Variants in PPM1B observed in about 807,000 individuals in gnomAD.
PPM1B encodes protein phosphatase 1B.
A neutral mutation model predicts 43.0 loss-of-function variants in PPM1B; 22 were observed. The observed-to-expected ratio is 0.51, with a 90% CI of 0.37 to 0.73. PPM1B has a LOEUF of 0.73. Among genes scored for constraint, PPM1B ranks in the 30% least tolerant of loss-of-function variants. The pLI is 0.00. For missense variants in PPM1B, 632 were observed against 584.2 expected (o/e 1.08, Z -0.84); for synonymous variants, 217 against 197.9 (o/e 1.10, Z -0.81).
downstream of PPM1B, among the ~76,000 whole-genome samples, chr2:44,245,194 A>G (rs896702756): frequency 2.0e-5 from 3 of 152,182 alleles, no homozygotes; most frequent in Non-Finnish European, 4.4e-5. Context: ...TTGTGTCCCC[A>G]GAAGTTTTAA....
chr2:44,202,117 C>T, intron 2 of PPM1B, 72 bp downstream of exon 2: 1 of 1,368,654 alleles, frequency 7.3e-7, no homozygotes, highest in Non-Finnish European at 9.6e-7. Context: ...GTTAAGCTAA[C>T]TTAAAATTTT....
chr2:44,202,146 A>C, intron 2 of PPM1B, 101 bp downstream of exon 2: 1 of 1,178,828 alleles, frequency 8.5e-7, no homozygotes, highest in South Asian at 2.0e-5. Flanking sequence ...TAATATTTTC[A>C]CAGAAGCTGT....
At chr2:44,231,592 C>G (rs1670471761), downstream of PPM1B, 1 of 428,618 alleles carries the variant, frequency 2.3e-6, no homozygotes, top group African/African-American at 2.2e-5. Flanking sequence ...TTTGGCTTAC[C>G]TTTTTTCATT....
chr2:44,194,043 T>C lies in PPM1B; in HGVS notation c.-14-7143T>C, dbSNP rs550724268. On this transcript the variant is annotated intron_variant, in intron 1 of 5. Coordinates refer to ENST00000282412, the MANE Select transcript of PPM1B (RefSeq NM_002706.6). ...GGTTTTGTTTATTTGTTTGTTTGTT[T>C]GTTTGTTTTTAATATCTTTTTGGTT... Among the ~76,000 whole-genome samples, 5 of 152,328 alleles carry C rather than the reference T, an allele frequency of 3.3e-5. No individual in the cohort carries two copies. The South Asian group carries it at 1.0e-3, about 32-fold the overall frequency.
intron 3 of PPM1B, among the ~76,000 whole-genome samples, chr2:44,210,781 T>C (rs1451830201): frequency 1.3e-5 from 2 of 152,144 alleles, no homozygotes; most frequent in East Asian, 1.9e-4. Context: ...AAATATGATA[T>C]ATCAGTACTA....
intron 2 of PPM1B, among the ~76,000 whole-genome samples, chr2:44,202,315 G>C (rs1463596941): frequency 1.3e-5 from 2 of 152,134 alleles, no homozygotes; most frequent in African/African-American, 4.8e-5. Flanking sequence ...CATTTACACA[G>C]AGTGACTTTT....
chr2:44,241,857 C>T lies in PPM1B; in HGVS notation n.1547-2371C>T, dbSNP rs1201064832. Reference sequence around the variant, plus strand: ...GTTATAATAAGTATTAGAAAATAATCTTTTTTTTTTTTTTTTTTTGAGACG... The same window carrying T: ...GTTATAATAAGTATTAGAAAATAATTTTTTTTTTTTTTTTTTTTTGAGACG... On this transcript the variant is annotated intron_variant and non_coding_transcript_variant, in intron 5 of 5. Transcript: ENST00000378540. Among the ~76,000 whole-genome samples the T allele has an allele frequency of 1.7e-3, 154 of 90,902 alleles. 1 individual carries two copies. Among genetic ancestry groups the T allele is most frequent in the East Asian group, 4.4e-3 (12 of 2,698 alleles). The allele number at this position is 90,902 out of a possible 152,430, so 59.6% of individuals were successfully genotyped here.
intron 1 of PPM1B, among the ~76,000 whole-genome samples, chr2:44,171,606 G>A (rs1329469737): frequency 6.6e-6 from 1 of 151,634 alleles, no homozygotes; most frequent in African/African-American, 2.4e-5. Context: ...GAGGCGTGTG[G>A]ATCACTTGAG....
At chr2:44,232,165 A>T, downstream of PPM1B, 1 of 1,177,934 alleles carries the variant, frequency 8.5e-7, no homozygotes, top group Non-Finnish European at 1.2e-6. Flanking sequence ...CACACACAAT[A>T]TGCAATACAC....
chr2:44,198,155 A>T (rs956760442), intron 1 of PPM1B, among the ~76,000 whole-genome samples: 2 of 151,940 alleles, frequency 1.3e-5, no homozygotes, highest in Non-Finnish European at 2.9e-5. Context: ...TTGAAGTTTT[A>T]TGATTTTTTG....
Position 44,231,194 on chromosome 2 carries a change from C to A in PPM1B, c.*476C>A. ...TGATGCTGGCCTGTAATTTTTCTTTCAAGGATGATAATTTGTGTGTTGTTT... is the reference window on the plus strand; with the variant it reads ...TGATGCTGGCCTGTAATTTTTCTTTAAAGGATGATAATTTGTGTGTTGTTT... On this transcript the variant is annotated 3_prime_UTR_variant, in exon 6 of 6. Transcript: ENST00000282412. 1.0e-6 allele frequency: 1 copy of A among 984,046 alleles called. No homozygotes were observed. Among genetic ancestry groups the A allele is most frequent in the Admixed American group, 6.1e-5 (1 of 16,288 alleles). The allele number at this position is 984,046 out of a possible 1,614,324, so 61.0% of individuals were successfully genotyped here.
intron 2 of PPM1B, among the ~76,000 whole-genome samples, chr2:44,208,333 A>G (rs1330608882): frequency 6.6e-6 from 1 of 152,252 alleles, no homozygotes; most frequent in Non-Finnish European, 1.5e-5. Context: ...CTTTTCTTTT[A>G]AAAGTTATCA....
chr2:44,213,262 C>T (rs1159842355), intron 3 of PPM1B, among the ~76,000 whole-genome samples: 1 of 150,646 alleles, frequency 6.6e-6, no homozygotes, highest in Non-Finnish European at 1.5e-5. Flanking sequence ...TGTGGGAGGA[C>T]TTTGATATCA....
chr2:44,200,198 A>T (rs1328997438), intron 1 of PPM1B, among the ~76,000 whole-genome samples: 8 of 152,200 alleles, frequency 5.3e-5, no homozygotes, highest in Non-Finnish European at 1.5e-5. Context: ...CAGCAGCCCT[A>T]TGAGGTATAG....
chr2:44,221,819 ATAAAT>A (rs1430377885), intron 5 of PPM1B, among the ~76,000 whole-genome samples: 1 of 152,142 alleles, frequency 6.6e-6, no homozygotes, highest in East Asian at 1.9e-4. Flanking sequence ...AGTATAAGTC[ATAAAT>A]TAAGTAATTT....
downstream of PPM1B, chr2:44,234,281 G>A (rs761815653): frequency 1.5e-5 from 14 of 913,772 alleles, no homozygotes; most frequent in Non-Finnish European, 1.8e-5. Context: ...AGCACTTTGG[G>A]AGGCCAAGGC....
chr2:44,223,371 GTTTTAC>G (rs1451281652), intron 5 of PPM1B, among the ~76,000 whole-genome samples: 2 of 152,070 alleles, frequency 1.3e-5, no homozygotes, highest in Non-Finnish European at 2.9e-5. Context: ...GCATTTTTCT[GTTTTAC>G]TTTAAACGGA....
chr2:44,216,300 C>T (rs1166066333), intron 3 of PPM1B, among the ~76,000 whole-genome samples: 1 of 152,060 alleles, frequency 6.6e-6, no homozygotes, highest in Non-Finnish European at 1.5e-5. Flanking sequence ...CCACTGGCAT[C>T]TAGTGAATGG....
At chr2:44,189,452 C>A (rs187970255) in intron 1 of PPM1B, among the ~76,000 whole-genome samples, 1 of 152,098 alleles carries the variant, frequency 6.6e-6, no homozygotes, top group Non-Finnish European at 1.5e-5. Context: ...GCTGCTGGTC[C>A]TTCCATTCTT....
Sources: gnomAD v4.1 joint callset for allele counts (sites outside exome capture counted in the v4.1 genomes callset) on GRCh38, gnomAD v4.1.1 for gene constraint, MANE v1.5 for transcripts, NCBI Gene and HGNC (gene_info 2026-07-23, HGNC 2026-07-21) for gene names.